Variants in PIWIL2 observed in about 807,000 individuals in gnomAD.
PIWIL2 encodes the protein piwi like RNA-mediated gene silencing 2.
Under a neutral mutation model 116.5 loss-of-function variants are expected in PIWIL2, and 81 were observed. The observed-to-expected ratio is 0.70, with a 90% CI of 0.58 to 0.84. The LOEUF is 0.84. Among genes scored for constraint, PIWIL2 ranks in the 40% least tolerant of loss-of-function variants. PIWIL2 has a pLI of 0.00. For synonymous variants in PIWIL2, 489 were observed against 429.5 expected (o/e 1.14, Z -1.71); for missense variants, 1,272 against 1,212.3 (o/e 1.05, Z -0.73).
intron 20 of PIWIL2, among the ~76,000 whole-genome samples, chr8:22,349,419 G>GTATGTATGTATATATATATATATATA (rs1213621776): frequency 2.2e-5 from 3 of 134,442 alleles, no homozygotes; most frequent in African/African-American, 8.2e-5. Flanking sequence ...ATGTGTGTGT[G>GTATGTATGTATATATATATATATATA]TATATATATA....
At chr8:22,322,259 A>G (rs1337004228) in intron 20 of PIWIL2, among the ~76,000 whole-genome samples, 2 of 144,230 alleles carry the variant, frequency 1.4e-5, no homozygotes, top group African/African-American at 5.1e-5. Flanking sequence ...CCTCCCCCCC[A>G]CCTTTTTTTT....
Position 22,316,286 on chromosome 8 carries a change from C to T in PIWIL2, c.2250C>T (p.Pro750=), listed in dbSNP as rs147902985. The change falls in exon 19 of 23, where the codon CCC becomes CCT. Residue 750 remains proline (P), a synonymous_variant. Transcript: ENST00000356766. ...TCGGGATGGATGTTTACCATGACCC[C>T]AGTAGAGGCATGCGCTCCGTGGTTG... ...MVIGMDVYHD[P]SRGMRSVVGF... is the part of the protein sequence containing the mutation. 7.9e-4 allele frequency: 1,280 copies of T among 1,613,366 alleles called. 9 individuals are homozygous for T. The African/African-American group carries it at 0.016, about 20-fold the overall frequency.
At position 22,347,672 on chromosome 8, in the gene PIWIL2, G is replaced by A. The variant is rs1023980955; in HGVS notation, c.2404-5287G>A. ...CTCCTGAGTATCCGGGATTACAGGC[G>A]CCTGCCAGCATGCCTGGCTAATTTT... On this transcript the variant is annotated intron_variant, in intron 20 of 22. Coordinates refer to ENST00000356766, the MANE Select transcript of PIWIL2 (RefSeq NM_018068.5). Among the ~76,000 whole-genome samples the A allele has an allele frequency of 9.2e-5, 14 of 151,786 alleles. No homozygotes were observed. The East Asian group carries it at 2.1e-3, about 23-fold the overall frequency.
Position 22,296,913 on chromosome 8 carries a change from A to G in PIWIL2, c.1181+6567A>G, listed in dbSNP as rs186480304. ...AAAAATGTTTTCCAACTTGCCTTTA[A>G]CTTAAAATTCTGGATTTGGCAGTTA... On this transcript the variant is annotated intron_variant, in intron 10 of 22. Coordinates refer to ENST00000356766, the MANE Select transcript of PIWIL2 (RefSeq NM_018068.5). Among the ~76,000 whole-genome samples, 3 of 151,840 alleles carry G rather than the reference A, an allele frequency of 2.0e-5. No individual in the cohort carries two copies. The East Asian group carries it at 5.8e-4, about 29-fold the overall frequency.
chr8:22,339,599 C>T (rs78448798), intron 20 of PIWIL2, among the ~76,000 whole-genome samples: 7,589 of 152,060 alleles, frequency 0.05, 294 homozygotes, highest in Admixed American at 0.086. Flanking sequence ...TTAGATATGA[C>T]GCTGGAAGCA....
rs1180871081 is a variant in PIWIL2 at position 22,283,053 on chromosome 8, T to C, written c.445T>C (p.Ser149Pro). The change falls in exon 5 of 23, where the codon TCA (serine) becomes CCA (proline). Residue 149 changes from serine (S) to proline (P), a missense_variant. Coordinates refer to ENST00000356766, the MANE Select transcript of PIWIL2 (RefSeq NM_018068.5). ...GWSRTLGRGS[S>P]DASLLPLGRA... ...TTTCAGGACGCTTGGAAGAGGGAGT[T>C]CAGATGCGTCTTTATTACCACTGGG... 5.0e-6 allele frequency: 8 copies of C among 1,613,994 alleles called. No homozygotes were observed. Among genetic ancestry groups the C allele is most frequent in the Non-Finnish European group, 1.7e-6 (2 of 1,179,990 alleles).
chr8:22,311,075 A>G (rs755905056), intron 15 of PIWIL2, 37 bp from the exon 16 acceptor site: 8 of 1,522,930 alleles, frequency 5.3e-6, no homozygotes, highest in East Asian at 2.3e-5. Context: ...GGATATTTAA[A>G]TTGTGAGAAA....
chr8:22,349,788 C>T (rs939375460), intron 20 of PIWIL2, among the ~76,000 whole-genome samples: 2 of 152,154 alleles, frequency 1.3e-5, no homozygotes, highest in Non-Finnish European at 1.5e-5. Flanking sequence ...GAGCCCCAGG[C>T]TGGTAAATGG....
In PIWIL2 at chr8:22,354,324, C is replaced by T. The variant is rs757936900; in HGVS notation, c.2711C>T (p.Thr904Met). The change falls in exon 22 of 23, where the codon ACG becomes ATG. Residue 904 changes from threonine to methionine, a missense_variant. Thr to Met is a moderately conservative substitution (Grantham distance 81). Coordinates refer to ENST00000356766, the MANE Select transcript of PIWIL2 (RefSeq NM_018068.5). Reference sequence around the variant, plus strand: ...GTACGGCAGGGCTGTGGCATTCCTACGCATTATGTCTGTGTTCTCAACACC... The same window carrying T: ...GTACGGCAGGGCTGTGGCATTCCTATGCATTATGTCTGTGTTCTCAACACC... ...HHVRQGCGIP[T>M]HYVCVLNTAN... 12 of 1,613,602 alleles carry T rather than the reference C, an allele frequency of 7.4e-6. No homozygotes were observed. Among genetic ancestry groups the T allele is most frequent in the African/African-American group, 2.7e-5 (2 of 74,906 alleles).
At chr8:22,281,637 A>G (rs1830504987) in intron 4 of PIWIL2, 122 bp downstream of exon 4, 1 of 805,476 alleles carries the variant, frequency 1.2e-6, no homozygotes, top group Non-Finnish European at 1.8e-6. Context: ...TATATTAAAG[A>G]ATGCATATTT....
At chr8:22,305,106 A>G (rs1831144301) in intron 12 of PIWIL2, among the ~76,000 whole-genome samples, 1 of 152,202 alleles carries the variant, frequency 6.6e-6, no homozygotes, top group South Asian at 2.1e-4. Flanking sequence ...TAGGTTAAAG[A>G]GTTAAGGAGA....
At chr8:22,319,020 T>C (rs1281029993) in intron 20 of PIWIL2, among the ~76,000 whole-genome samples, 2 of 152,154 alleles carry the variant, frequency 1.3e-5, no homozygotes, top group Non-Finnish European at 2.9e-5. Flanking sequence ...ATGCTAACCA[T>C]GGAGGATTGC....
intron 3 of PIWIL2, 26 bp from the exon 4 acceptor site, chr8:22,281,351 T>C (rs555351695): frequency 6.2e-7 from 1 of 1,601,176 alleles, no homozygotes; most frequent in East Asian, 2.2e-5. Context: ...TCATAGTCAT[T>C]GCTGGGGTTC....
chr8:22,293,616 C>T (rs184049393), intron 10 of PIWIL2, among the ~76,000 whole-genome samples: 10 of 152,332 alleles, frequency 6.6e-5, no homozygotes, highest in Admixed American at 3.3e-4. Context: ...TGAACCACCA[C>T]GCCAGGCCTA....
At chr8:22,330,885 A>C (rs1408003346) in intron 20 of PIWIL2, among the ~76,000 whole-genome samples, 1 of 151,410 alleles carries the variant, frequency 6.6e-6, no homozygotes, top group African/African-American at 2.4e-5. Flanking sequence ...GAAAACTGGA[A>C]ATTTAAGCTG....
At chr8:22,346,083 G>C (rs1326240197) in intron 20 of PIWIL2, among the ~76,000 whole-genome samples, 1 of 152,102 alleles carries the variant, frequency 6.6e-6, no homozygotes, top group Non-Finnish European at 1.5e-5. Context: ...GTTTGGCCAG[G>C]CGTGCTGGCT....
At chr8:22,335,614 C>G (rs374577448) in intron 20 of PIWIL2, among the ~76,000 whole-genome samples, 45 of 134,890 alleles carry the variant, frequency 3.3e-4, no homozygotes, top group African/African-American at 1.2e-3. Context: ...GTGGCATGAT[C>G]TCGGCTCACT....
chr8:22,339,391 C>G (rs1465055398), intron 20 of PIWIL2, among the ~76,000 whole-genome samples: 1 of 151,954 alleles, frequency 6.6e-6, no homozygotes, highest in Non-Finnish European at 1.5e-5. Context: ...GCCTGTAATC[C>G]CAGCTACTCA....
chr8:22,276,229 T>TA (rs1461139139), intron 1 of PIWIL2, among the ~76,000 whole-genome samples: 2 of 152,246 alleles, frequency 1.3e-5, no homozygotes, highest in Admixed American at 6.5e-5. Context: ...TGTCTGCACT[T>TA]ACGCTGTGGG....
Sources: gnomAD v4.1 joint callset for allele counts (sites outside exome capture counted in the v4.1 genomes callset) on GRCh38, gnomAD v4.1.1 for gene constraint, MANE v1.5 for transcripts, NCBI Gene and HGNC (gene_info 2026-07-23, HGNC 2026-07-21) for gene names.